TTLL7: variants seen among roughly 807,000 people sequenced by gnomAD.
TTLL7 encodes the protein tubulin polyglutamylase TTLL7.
In TTLL7, 53 loss-of-function variants were observed where a neutral mutation model predicts 120.2. The ratio of observed to expected loss-of-function variants is 0.44; its 90% CI spans 0.35 to 0.55. The LOEUF (loss-of-function observed/expected upper bound fraction) is 0.55, where lower values mean the gene tolerates loss of function less well. Ranked by LOEUF, TTLL7 falls within the 20% of genes least tolerant of loss-of-function variation. TTLL7 has a pLI of 0.00. For missense variants in TTLL7, 803 were observed against 1,054.7 expected, an observed-to-expected ratio of 0.76 and a Z score of 3.31; for synonymous variants, 353 against 351.7, an observed-to-expected ratio of 1.00 and a Z score of -0.04.
intron 8 of TTLL7, among the ~76,000 whole-genome samples, chr1:83,937,123 T>A (rs1647468818): frequency 6.6e-6 from 1 of 152,180 alleles, no homozygotes; most frequent in Non-Finnish European, 1.5e-5. Context: ...ATTATAATAC[T>A]GTATTTTAGT....
chr1:83,898,462 T>C lies in TTLL7; in HGVS notation c.2208+5617A>G, dbSNP rs1276380303. ...TGTCCAAGGTAAAGGCCATAGGCAA[T>C]ACTGAACTCAAGTCCATACTGTCTC... On this transcript the variant is annotated intron_variant, in intron 18 of 20. Coordinates refer to ENST00000260505, the MANE Select transcript of TTLL7 (RefSeq NM_024686.6). Among the ~76,000 whole-genome samples the C allele has an allele frequency of 2.9e-4, 44 of 152,006 alleles. 1 individual carries two copies. Among genetic ancestry groups the C allele is most frequent in the Admixed American group, 2.9e-3 (44 of 15,230 alleles).
intron 16 of TTLL7, among the ~76,000 whole-genome samples, chr1:83,906,971 C>T (rs1325248361): frequency 6.6e-6 from 1 of 151,992 alleles, no homozygotes; most frequent in Non-Finnish European, 1.5e-5. Flanking sequence ...AATATCAAAT[C>T]TCTGGGATTC....
At chr1:83,908,718 C>T (rs530281491) in intron 15 of TTLL7, among the ~76,000 whole-genome samples, 1 of 151,704 alleles carries the variant, frequency 6.6e-6, no homozygotes, top group African/African-American at 2.4e-5. Flanking sequence ...TGTATTCTTT[C>T]TCTGCTTGAG....
chr1:83,951,242 G>A (rs1354006042), intron 3 of TTLL7, among the ~76,000 whole-genome samples: 1 of 151,822 alleles, frequency 6.6e-6, no homozygotes, highest in African/African-American at 2.4e-5. Flanking sequence ...CCAGCTACTC[G>A]CGAAACTGAG....
At chr1:83,883,196 A>C in intron 19 of TTLL7, 60 bp from the exon 20 acceptor site, 19 of 1,401,648 alleles carry the variant, frequency 1.4e-5, no homozygotes, top group Non-Finnish European at 1.7e-5. Context: ...AACCAGCTAT[A>C]TATCACTTCC....
At chr1:83,878,548 G>A (rs2100701815) in intron 20 of TTLL7, among the ~76,000 whole-genome samples, 1 of 151,964 alleles carries the variant, frequency 6.6e-6, no homozygotes, top group East Asian at 1.9e-4. Context: ...CAAAAGCACT[G>A]CTCAGCACTA....
At chr1:83,911,809 G>T (rs781649869) in intron 14 of TTLL7, among the ~76,000 whole-genome samples, 7 of 151,760 alleles carry the variant, frequency 4.6e-5, no homozygotes, top group Non-Finnish European at 1.0e-4. Flanking sequence ...ACGTGCAAGT[G>T]CATCTGTGTG....
chr1:83,902,728 A>G (rs1021215865), intron 18 of TTLL7, among the ~76,000 whole-genome samples: 1 of 151,922 alleles, frequency 6.6e-6, no homozygotes, highest in East Asian at 1.9e-4. Flanking sequence ...TAAATATCTT[A>G]GAGACTCCTA....
At chr1:83,894,054 ACT>A (rs1211953383) in intron 18 of TTLL7, among the ~76,000 whole-genome samples, 2 of 152,060 alleles carry the variant, frequency 1.3e-5, no homozygotes, top group African/African-American at 4.8e-5. Context: ...TATTAGTTTA[ACT>A]CTTTATATTT....
intron 10 of TTLL7, among the ~76,000 whole-genome samples, chr1:83,926,951 T>C (rs943351193): frequency 6.6e-6 from 1 of 152,200 alleles, no homozygotes; most frequent in Non-Finnish European, 1.5e-5. Context: ...TTGTTCTACA[T>C]ATAACCCTTT....
intron 1 of TTLL7, among the ~76,000 whole-genome samples, chr1:83,970,129 G>A (rs6703493): frequency 0.49 from 74,828 of 151,802 alleles, 19,175 homozygotes; most frequent in Non-Finnish European, 0.57. Flanking sequence ...ATAATCTATA[G>A]GATTGGCTAC....
chr1:83,945,032 A>C (rs1285673342), intron 6 of TTLL7, among the ~76,000 whole-genome samples: 7 of 152,222 alleles, frequency 4.6e-5, no homozygotes, highest in African/African-American at 1.7e-4. Context: ...AAGGGAATTA[A>C]AATGGTACAG....
chr1:83,874,501 T>C (rs1653735509), intron 20 of TTLL7, among the ~76,000 whole-genome samples: 1 of 152,066 alleles, frequency 6.6e-6, no homozygotes, highest in Non-Finnish European at 1.5e-5. Context: ...CGGGGTAGAA[T>C]TGCTGGTTCA....
rs531770521 is a variant in TTLL7 at position 83,974,251 on chromosome 1, T to A, written c.-176-21864A>T. Among the ~76,000 whole-genome samples, 20 of 152,062 alleles carry A rather than the reference T, an allele frequency of 1.3e-4. No homozygotes were observed. In the East Asian group the frequency reaches 2.7e-3, roughly 21 times the overall value. ...TAAGTATTACGAACACATATATCTA[T>A]GAAAAAATGAATGCTTTTTCAGTGC... On this transcript the variant is annotated intron_variant, in intron 1 of 20. Transcript: ENST00000260505.
intron 1 of TTLL7, among the ~76,000 whole-genome samples, chr1:83,971,997 G>A (rs777471687): frequency 4.0e-5 from 6 of 151,502 alleles, no homozygotes; most frequent in Non-Finnish European, 7.4e-5. Context: ...TAAGAGGAAG[G>A]TACAGAGATT....
chr1:83,871,448 T>A (rs1653385219), intron 20 of TTLL7, among the ~76,000 whole-genome samples: 1 of 151,990 alleles, frequency 6.6e-6, no homozygotes, highest in African/African-American at 2.4e-5. Context: ...GTCCTAGTAA[T>A]GATGAGGAGG....
At position 83,907,656 on chromosome 1, in the gene TTLL7, T is replaced by C. The variant is rs1401004035; in HGVS notation, c.1792A>G (p.Ile598Val). 1.2e-6 allele frequency: 2 copies of C among 1,612,374 alleles called. No homozygotes were observed. Among genetic ancestry groups the C allele is most frequent in the East Asian group, 2.2e-5 (1 of 44,740 alleles). ...HYKLIQQPSS[I>V]RRSVSCPRSI... ...CGAGGGCAGCTGACTGAACGTCTTA[T>C]GGAGCCTATCAGTGATGGAGAAGAG... Residue 598 changes from isoleucine to valine, a missense_variant, in exon 16 of 21, where the codon ATA becomes GTA. Coordinates refer to ENST00000260505, the MANE Select transcript of TTLL7 (RefSeq NM_024686.6).
chr1:83,930,475 A>C (rs1348215654), intron 9 of TTLL7, among the ~76,000 whole-genome samples: 1 of 152,142 alleles, frequency 6.6e-6, no homozygotes, highest in African/African-American at 2.4e-5. Flanking sequence ...AAACGGCAAT[A>C]ACATCCATTT....
chr1:83,868,658 A>C lies in TTLL7; in HGVS notation c.*1304T>G, dbSNP rs1653080854. Reference sequence around the variant, plus strand: ...TGATTTCAACCTTGAGAGATTTATAAAAATAAGTTTGTCTCATTATCCTGT... The same window carrying C: ...TGATTTCAACCTTGAGAGATTTATACAAATAAGTTTGTCTCATTATCCTGT... On this transcript the variant is annotated 3_prime_UTR_variant, in exon 21 of 21. Coordinates refer to ENST00000260505, the MANE Select transcript of TTLL7 (RefSeq NM_024686.6). 1 of 152,206 alleles carries C rather than the reference A, an allele frequency of 6.6e-6. No homozygotes were observed. The highest frequency in any genetic ancestry group is 1.9e-4 in the East Asian group (1 of 5,198). 9.4% of individuals were successfully genotyped at this position (152,206 alleles called of 1,614,324 possible).
Sources: gnomAD v4.1 joint callset for allele counts (sites outside exome capture counted in the v4.1 genomes callset) on GRCh38, gnomAD v4.1.1 for gene constraint, MANE v1.5 for transcripts, NCBI Gene and HGNC (gene_info 2026-07-23, HGNC 2026-07-21) for gene names.